MTUS2: variants seen among roughly 807,000 people sequenced by gnomAD.
MTUS2 encodes microtubule associated scaffold protein 2.
A neutral mutation model predicts 114.1 loss-of-function variants in MTUS2; 40 were observed. That is an observed-to-expected ratio of 0.35 (90% CI 0.27 to 0.46). The LOEUF (loss-of-function observed/expected upper bound fraction) is 0.46, where lower values mean the gene tolerates loss of function less well. Ranked by LOEUF, MTUS2 falls within the 20% of genes least tolerant of loss-of-function variation. MTUS2 has a pLI of 1.00. For synonymous variants in MTUS2, 688 were observed against 672.0 expected, an observed-to-expected ratio of 1.02 and a Z score of -0.37; for missense variants, 1,679 against 1,705.4, an observed-to-expected ratio of 0.98 and a Z score of 0.27.
chr13:28,901,996 C>A (rs1403837776), intron 2 of MTUS2, among the ~76,000 whole-genome samples: 1 of 152,080 alleles, frequency 6.6e-6, no homozygotes, highest in African/African-American at 2.4e-5. Context: ...TTATTTAGAT[C>A]TTTGATTTCT....
intron 5 of MTUS2, among the ~76,000 whole-genome samples, chr13:29,227,027 G>A (rs986059117): frequency 6.6e-6 from 1 of 152,134 alleles, no homozygotes; most frequent in African/African-American, 2.4e-5. Flanking sequence ...GGAGGCTGAG[G>A]CAGGTGGATC....
intron 9 of MTUS2, among the ~76,000 whole-genome samples, chr13:29,468,110 C>A (rs1445483396): frequency 1.3e-5 from 2 of 151,858 alleles, no homozygotes; most frequent in African/African-American, 4.8e-5. Context: ...CAGAGGGAGA[C>A]CCTGCCTCAA....
chr13:28,830,529 C>A (rs1874594110), intron 1 of MTUS2, among the ~76,000 whole-genome samples: 1 of 151,862 alleles, frequency 6.6e-6, no homozygotes, highest in Non-Finnish European at 1.5e-5. Flanking sequence ...ACTAGAGAGG[C>A]TCATCAACAG....
At position 29,354,767 on chromosome 13, in the gene MTUS2, A is replaced by T. The variant is rs7982902; in HGVS notation, c.2906-4495A>T. 1.9e-3 allele frequency among the ~76,000 whole-genome samples: 290 copies of T among 152,320 alleles called. 2 individuals are homozygous for T. Among genetic ancestry groups the T allele is most frequent in the African/African-American group, 6.4e-3 (268 of 41,570 alleles). On this transcript the variant is annotated intron_variant, in intron 7 of 15. Coordinates refer to ENST00000612955, the MANE Select transcript of MTUS2 (RefSeq NM_001033602.4). ...CCCCACCACCAGCTCACCCCAGCCA[A>T]GCCATTGCCAGTACTAAGTAGGAAA...
chr13:29,497,428 C>G (rs939721128), intron 13 of MTUS2, 92 bp downstream of exon 13: 12 of 1,106,924 alleles, frequency 1.1e-5, no homozygotes, highest in Non-Finnish European at 1.6e-5. Flanking sequence ...CAAGACAAGG[C>G]CTCTCTGTGA....
chr13:28,976,240 A>AG (rs1228427721), intron 2 of MTUS2, among the ~76,000 whole-genome samples: 2 of 109,472 alleles, frequency 1.8e-5, no homozygotes, highest in Non-Finnish European at 3.6e-5. Flanking sequence ...GAAGAAAAAA[A>AG]GAATTAGAGA....
chr13:28,821,570 C>A (rs1485890206), intron 1 of MTUS2, among the ~76,000 whole-genome samples: 1 of 152,088 alleles, frequency 6.6e-6, no homozygotes, highest in Non-Finnish European at 1.5e-5. Context: ...GGTAAAAATA[C>A]AAAAGTAGAA....
intron 5 of MTUS2, among the ~76,000 whole-genome samples, chr13:29,265,288 C>T (rs1418230870): frequency 6.6e-6 from 1 of 152,164 alleles, no homozygotes; most frequent in Non-Finnish European, 1.5e-5. Flanking sequence ...TCCTCATTTC[C>T]ATCTGGGAGT....
intron 8 of MTUS2, among the ~76,000 whole-genome samples, chr13:29,427,811 AT>A (rs1408767241): frequency 6.6e-6 from 1 of 152,228 alleles, no homozygotes; most frequent in Non-Finnish European, 1.5e-5. Context: ...AAATTTCAAG[AT>A]TTCTCCTCTG....
intron 2 of MTUS2, among the ~76,000 whole-genome samples, chr13:28,919,431 C>T (rs1261638812): frequency 1.1e-4 from 16 of 152,030 alleles, no homozygotes; most frequent in Admixed American, 1.0e-3. Context: ...CACTGAGAAG[C>T]CTGCTGGTAG....
rs1167327375 is a variant in MTUS2 at position 29,026,789 on chromosome 13, G to A, written c.2091G>A (p.Glu697=). The A allele has an allele frequency of 5.6e-6, 9 of 1,613,494 alleles. No homozygotes were observed. The highest frequency in any genetic ancestry group is 7.6e-6 in the Non-Finnish European group (9 of 1,179,880). ...TGAAGCCATCTGCCAACCTCTATGAGAAATTCAAGCCAGACCTGCAGAAGC... is the reference window on the plus strand; with the variant it reads ...TGAAGCCATCTGCCAACCTCTATGAAAAATTCAAGCCAGACCTGCAGAAGC... ...GDLKPSANLY[E]KFKPDLQKPR... The change falls in exon 3 of 16, where the codon GAG becomes GAA. Residue 697 remains glutamate (E), a synonymous_variant. Coordinates refer to ENST00000612955, the MANE Select transcript of MTUS2 (RefSeq NM_001033602.4).
At chr13:28,995,313 T>A (rs1341582478) in intron 2 of MTUS2, among the ~76,000 whole-genome samples, 1 of 152,234 alleles carries the variant, frequency 6.6e-6, no homozygotes, top group East Asian at 1.9e-4. Flanking sequence ...CCTTGTAGTA[T>A]AGTTTGAAGT....
At chr13:29,368,529 G>A (rs1237639850) in intron 8 of MTUS2, among the ~76,000 whole-genome samples, 1 of 152,048 alleles carries the variant, frequency 6.6e-6, no homozygotes, top group Admixed American at 6.5e-5. Flanking sequence ...AATGTTTGAG[G>A]TGACGAATAT....
chr13:29,319,617 C>G (rs934579244), intron 6 of MTUS2, among the ~76,000 whole-genome samples: 3 of 152,158 alleles, frequency 2.0e-5, no homozygotes, highest in African/African-American at 7.2e-5. Flanking sequence ...TCTGATCCAG[C>G]AGGCCTGTGT....
chr13:29,024,907 A>G lies in MTUS2; in HGVS notation c.209A>G (p.Asn70Ser). ...IGNTNSSEPE[N>S]RTHFHKEFHQ... ...AATACAAATTCAAGTGAGCCAGAAA[A>G]CCGTACCCATTTCCATAAGGAATTT... Residue 70 changes from asparagine to serine, a missense_variant, in exon 3 of 16, where the codon AAC (asparagine) becomes AGC (serine). By Grantham distance (46) the Asn-to-Ser change is conservative (BLOSUM62 1). Transcript: ENST00000612955. The G allele has an allele frequency of 6.2e-7, 1 of 1,613,800 alleles. No homozygotes were observed. Among genetic ancestry groups the G allele is most frequent in the Non-Finnish European group, 8.5e-7 (1 of 1,179,838 alleles).
intron 2 of MTUS2, among the ~76,000 whole-genome samples, chr13:28,884,579 C>T (rs1878478677): frequency 6.6e-6 from 1 of 152,190 alleles, no homozygotes; most frequent in South Asian, 2.1e-4. Context: ...GATCTACACA[C>T]ATGAGTACAC....
intron 5 of MTUS2, among the ~76,000 whole-genome samples, chr13:29,278,303 A>G (rs1898141159): frequency 6.6e-6 from 1 of 152,210 alleles, no homozygotes; most frequent in African/African-American, 2.4e-5. Flanking sequence ...TAAAATGAGA[A>G]AGTTCTCAAT....
At chr13:28,891,858 C>CAAAAAAAAAAAAAAA (rs1169875500) in intron 2 of MTUS2, among the ~76,000 whole-genome samples, 21 of 52,144 alleles carry the variant, frequency 4.0e-4, no homozygotes, top group East Asian at 6.7e-4. Context: ...GACTCTGTCT[C>CAAAAAAAAAAAAAAA]AAAAAAAAAA....
At chr13:29,268,705 G>T (rs907712386) in intron 5 of MTUS2, among the ~76,000 whole-genome samples, 2 of 151,942 alleles carry the variant, frequency 1.3e-5, no homozygotes, top group Non-Finnish European at 2.9e-5. Flanking sequence ...GCATACTGTG[G>T]AATTCTATTC....
Sources: gnomAD v4.1 joint callset for allele counts (sites outside exome capture counted in the v4.1 genomes callset) on GRCh38, gnomAD v4.1.1 for gene constraint, MANE v1.5 for transcripts, NCBI Gene and HGNC (gene_info 2026-07-23, HGNC 2026-07-21) for gene names.